ARHGAP39: variants seen among roughly 807,000 people sequenced by gnomAD.
ARHGAP39 encodes the protein rho GTPase-activating protein 39.
Under a neutral mutation model 106.9 loss-of-function variants are expected in ARHGAP39, and 44 were observed. The ratio of observed to expected loss-of-function variants is 0.41; its 90% CI spans 0.32 to 0.53. The LOEUF (loss-of-function observed/expected upper bound fraction) is 0.53, where lower values mean the gene tolerates loss of function less well. Ranked by LOEUF, ARHGAP39 falls within the 20% of genes least tolerant of loss-of-function variation. The probability of loss-of-function intolerance (pLI) is 0.21; values close to 1 mark genes in which losing one functional copy is unlikely to be tolerated. For synonymous variants in ARHGAP39, 768 were observed against 693.2 expected (o/e 1.11, Z -1.69); for missense variants, 1,496 against 1,577.3 (o/e 0.95, Z 0.87).
rs1251206494 is a variant in ARHGAP39, at chr8:144,547,915, C to T, written c.1171G>A (p.Gly391Ser). Residue 391 changes from glycine to serine, a missense_variant, in exon 5 of 12, where the codon GGC becomes AGC. Physicochemically the swap from Gly to Ser is moderately conservative, Grantham distance 56. Coordinates refer to ENST00000377307, the MANE Select transcript of ARHGAP39 (RefSeq NM_025251.3). This position sits in a 1 kb window ranked among gnomAD's most constrained non-coding sequence, Gnocchi z 5.2. ...ACCAGCTGCCGCACGTACTCCTTGCCGGCGGGACTGTACTCCAGGCTCAGG... is the reference window on the plus strand; with the variant it reads ...ACCAGCTGCCGCACGTACTCCTTGCTGGCGGGACTGTACTCCAGGCTCAGG... Reference protein sequence around the residue: ...RFLSLEYSPAGKEYVRQLVYV... With the variant: ...RFLSLEYSPASKEYVRQLVYV... 6.3e-7 allele frequency: 1 copy of T among 1,584,124 alleles called. No homozygotes were observed. The highest frequency in any genetic ancestry group is 2.3e-5 in the East Asian group (1 of 43,058).
intron 1 of ARHGAP39, among the ~76,000 whole-genome samples, chr8:144,617,874 C>T (rs567833473): frequency 1.3e-5 from 2 of 152,250 alleles, no homozygotes; most frequent in African/African-American, 2.4e-5. Flanking sequence ...CTCAACCTCC[C>T]GGGCTCAAAT....
At chr8:144,557,848 T>C (rs1351780598) in intron 3 of ARHGAP39, among the ~76,000 whole-genome samples, 2 of 152,268 alleles carry the variant, frequency 1.3e-5, no homozygotes, top group African/African-American at 2.4e-5. Context: ...CTTACCACCA[T>C]TGTTTAATAC....
In ARHGAP39 at chr8:144,646,723, C is replaced by T. The variant is rs1036040791; in HGVS notation, c.-82+38963G>A. 6.6e-6 allele frequency among the ~76,000 whole-genome samples: 1 copy of T among 152,180 alleles called. No homozygotes were observed. Among genetic ancestry groups the T allele is most frequent in the African/African-American group, 2.4e-5 (1 of 41,464 alleles). Reference sequence around the variant, plus strand: ...CCTCTCTGAGCCAAGGGCATGGGAACCTGCAGGAGACAGCCTGGTCCTGGT... The same window carrying T: ...CCTCTCTGAGCCAAGGGCATGGGAATCTGCAGGAGACAGCCTGGTCCTGGT... On this transcript the variant is annotated intron_variant, in intron 1 of 11. Transcript: ENST00000377307. This position sits in a 1 kb window ranked among gnomAD's most constrained non-coding sequence, Gnocchi z 5.7.
At chr8:144,662,031 C>T (rs2129687798) in intron 1 of ARHGAP39, among the ~76,000 whole-genome samples, 2 of 151,082 alleles carry the variant, frequency 1.3e-5, no homozygotes, top group East Asian at 4.0e-4. Context: ...CCACCTTGGA[C>T]CGTTCCCCAC....
intron 1 of ARHGAP39, among the ~76,000 whole-genome samples, chr8:144,660,017 G>C (rs960813764): frequency 3.3e-5 from 5 of 152,104 alleles, no homozygotes; most frequent in South Asian, 2.1e-4. Flanking sequence ...TCCCTCACCT[G>C]AATCACAATG....
At chr8:144,674,567 C>G (rs1427408852) in intron 1 of ARHGAP39, among the ~76,000 whole-genome samples, 1 of 152,210 alleles carries the variant, frequency 6.6e-6, no homozygotes, top group East Asian at 1.9e-4. Context: ...GAACTGGCAG[C>G]CCAGCCCCCA....
chr8:144,628,208 G>C (rs770804664), intron 1 of ARHGAP39, among the ~76,000 whole-genome samples: 1 of 152,210 alleles, frequency 6.6e-6, no homozygotes, highest in Non-Finnish European at 1.5e-5. Flanking sequence ...ATGCAGGGCA[G>C]GGGCCAGGTG....
At position 144,545,042 on chromosome 8, in the gene ARHGAP39, G is replaced by A. The variant is rs1286499694; in HGVS notation, c.2521+207C>T. Among the ~76,000 whole-genome samples, 3 of 152,362 alleles carry A rather than the reference G, an allele frequency of 2.0e-5. No homozygotes were observed. In the East Asian group the frequency reaches 5.8e-4, roughly 29 times the overall value. Reference sequence around the variant, plus strand: ...CCCTCGTGTCTGCCAGGGCTCCGGGGCTCTTCACCTCAGTGCCCAGGTGGG... The same window carrying A: ...CCCTCGTGTCTGCCAGGGCTCCGGGACTCTTCACCTCAGTGCCCAGGTGGG... On this transcript the variant is annotated intron_variant, in intron 6 of 11. Coordinates refer to ENST00000377307, the MANE Select transcript of ARHGAP39 (RefSeq NM_025251.3).
chr8:144,633,152 T>G (rs199972125), intron 1 of ARHGAP39, among the ~76,000 whole-genome samples: 6,854 of 149,708 alleles, frequency 0.046, 331 homozygotes, highest in East Asian at 0.24. Flanking sequence ...TTTTTGTTTG[T>G]TTGTTTGTTT....
chr8:144,627,554 C>CAAAAA (rs386414277), intron 1 of ARHGAP39, among the ~76,000 whole-genome samples: 9 of 103,752 alleles, frequency 8.7e-5, no homozygotes, highest in South Asian at 7.0e-4. Flanking sequence ...GACTCCATCT[C>CAAAAA]AAAAAAAAAA....
chr8:144,602,819 C>G (rs1358757923), intron 2 of ARHGAP39, among the ~76,000 whole-genome samples: 1 of 122,812 alleles, frequency 8.1e-6, no homozygotes, highest in African/African-American at 3.1e-5. Flanking sequence ...GGCGTGTGTG[C>G]TCGTGTACCT....
At chr8:144,612,062 G>A (rs1418360467) in intron 1 of ARHGAP39, among the ~76,000 whole-genome samples, 2 of 152,140 alleles carry the variant, frequency 1.3e-5, no homozygotes, top group African/African-American at 2.4e-5. Context: ...GAACCCAAGA[G>A]GTCAAAGTTG....
chr8:144,602,673 TGCGA>T (rs1820075315), intron 2 of ARHGAP39, among the ~76,000 whole-genome samples: 1 of 133,062 alleles, frequency 7.5e-6, no homozygotes, highest in Non-Finnish European at 1.6e-5. Context: ...GAGGCGTGCG[TGCGA>T]GCTCGTGTAC....
rs540952262 is a variant in ARHGAP39, at chr8:144,679,539, G to C, written c.-82+6147C>G. Among the ~76,000 whole-genome samples, 1 of 152,204 alleles carries C rather than the reference G, an allele frequency of 6.6e-6. No homozygotes were observed. The highest frequency in any genetic ancestry group is 1.5e-5 in the Non-Finnish European group (1 of 68,038). On this transcript the variant is annotated intron_variant, in intron 1 of 11. Coordinates refer to ENST00000377307, the MANE Select transcript of ARHGAP39 (RefSeq NM_025251.3). The surrounding 1 kb of genome is among the most constrained non-coding windows in gnomAD (Gnocchi z 4.7). ...GGGGTTGCTACTGCAACTCGCTCTG[G>C]AGAAAGCTGTCCAGTAAACTCCTGG... is the stretch of plus-strand genomic sequence containing the variant.
At chr8:144,531,190 GA>G (rs1371497480) in intron 10 of ARHGAP39, among the ~76,000 whole-genome samples, 130 of 151,268 alleles carry the variant, frequency 8.6e-4, no homozygotes, top group Admixed American at 1.2e-3. Context: ...GCACAGGGCA[GA>G]GAGCAGCAGG....
chr8:144,650,141 T>A (rs1027892959), intron 1 of ARHGAP39, among the ~76,000 whole-genome samples: 1 of 151,506 alleles, frequency 6.6e-6, no homozygotes, highest in Non-Finnish European at 1.5e-5. Context: ...AGACTCTGTC[T>A]TGGAAAAAAA....
At chr8:144,576,332 CAAAAAAAA>C (rs67038997) in intron 3 of ARHGAP39, among the ~76,000 whole-genome samples, 2 of 63,818 alleles carry the variant, frequency 3.1e-5, no homozygotes, top group Non-Finnish European at 5.9e-5. Context: ...GACTCCGTCT[CAAAAAAAA>C]AAAAAAAAAA....
upstream of ARHGAP39, among the ~76,000 whole-genome samples, chr8:144,690,465 A>T (rs982452262): frequency 3.3e-5 from 5 of 151,450 alleles, no homozygotes; most frequent in African/African-American, 1.2e-4. Context: ...ATCTTCTCCA[A>T]CACTTGTTAA....
chr8:144,547,480 C>G lies in ARHGAP39; in HGVS notation c.1606G>C (p.Val536Leu). ...QPPCGTSLAP[V>L]KRAEGEAEGA... Reference sequence around the variant, plus strand: ...TCGGCCTCACCTTCCGCTCGCTTCACGGGGGCGAGGCTGGTCCCGCACGGG... The same window carrying G: ...TCGGCCTCACCTTCCGCTCGCTTCAGGGGGGCGAGGCTGGTCCCGCACGGG... Residue 536 changes from valine (V) to leucine (L), a missense_variant, in exon 5 of 12, where the codon GTG becomes CTG. By Grantham distance (32) the Val-to-Leu change is conservative. This residue lies in a region of ARHGAP39 where 905 missense variants were observed against 816.4 expected (regional missense o/e 1.11). Coordinates refer to ENST00000377307, the MANE Select transcript of ARHGAP39 (RefSeq NM_025251.3). This position sits in a 1 kb window ranked among gnomAD's most constrained non-coding sequence, Gnocchi z 5.2. 4 of 1,536,272 alleles carry G rather than the reference C, an allele frequency of 2.6e-6. No homozygotes were observed. The highest frequency in any genetic ancestry group is 1.4e-5 in the African/African-American group (1 of 73,448).
Sources: gnomAD v4.1 joint callset for allele counts (sites outside exome capture counted in the v4.1 genomes callset) on GRCh38, gnomAD v4.1.1 for gene constraint, gnomAD v4.1.1 regional missense constraint, Gnocchi (gnomAD v3.1) non-coding constraint, MANE v1.5 for transcripts, NCBI Gene and HGNC (gene_info 2026-07-23, HGNC 2026-07-21) for gene names.